Variants in TMC7 observed in about 807,000 individuals in gnomAD.
The protein encoded by TMC7 is transmembrane channel-like protein 7.
TMC7 carries 54 observed loss-of-function variants against 82.9 expected under a neutral mutation model. The observed-to-expected ratio is 0.65, with a 90% confidence interval of 0.52 to 0.82. The LOEUF (loss-of-function observed/expected upper bound fraction) is 0.82, where lower values mean the gene tolerates loss of function less well. TMC7 is among the 40% of genes least tolerant of loss of function. TMC7 has a pLI of 0.00. For missense variants in TMC7, 820 were observed against 901.2 expected, an observed-to-expected ratio of 0.91 and a Z score of 1.15; for synonymous variants, 350 against 337.9, an observed-to-expected ratio of 1.04 and a Z score of -0.39.
chr16:19,012,278 C>T (rs971719935), intron 2 of TMC7: 2 of 151,942 alleles, frequency 1.3e-5, no homozygotes, highest in East Asian at 3.8e-4. Flanking sequence ...ATTTAAAAAC[C>T]AAATAAATAA....
intron 1 of TMC7, among the ~76,000 whole-genome samples, chr16:18,986,161 C>T (rs1399324332): frequency 1.3e-5 from 2 of 151,954 alleles, no homozygotes; most frequent in African/African-American, 2.4e-5. Flanking sequence ...TTTGGGAGGC[C>T]GTGGTGGGCA....
At position 19,036,589 on chromosome 16, in the gene TMC7, G is replaced by A. The variant is rs141013642; in HGVS notation, c.1005+766G>A. On this transcript the variant is annotated intron_variant, in intron 7 of 15. Transcript: ENST00000304381. ...AAATTACTTGGGCATGGTGGCACAT[G>A]CCTGTAGTCCCAGCTACTTGGGAGT... Among the ~76,000 whole-genome samples, 13 of 151,788 alleles carry A rather than the reference G, an allele frequency of 8.6e-5. No homozygotes were observed. In the East Asian group the frequency reaches 2.3e-3, roughly 27 times the overall value.
chr16:19,010,280 G>A (rs937993854), intron 2 of TMC7, among the ~76,000 whole-genome samples: 6 of 151,640 alleles, frequency 4.0e-5, no homozygotes, highest in African/African-American at 7.3e-5. Context: ...TCAGTCTCCC[G>A]AGTAGCTGGG....
chr16:19,008,782 A>G (rs986976879), intron 1 of TMC7, among the ~76,000 whole-genome samples: 2 of 152,172 alleles, frequency 1.3e-5, no homozygotes, highest in African/African-American at 4.8e-5. Context: ...TATTGAATAC[A>G]TTACTATACC....
intron 9 of TMC7, among the ~76,000 whole-genome samples, chr16:19,043,518 T>C (rs1328605615): frequency 1.3e-5 from 2 of 152,194 alleles, no homozygotes; most frequent in Non-Finnish European, 2.9e-5. Context: ...CAGAACCTTT[T>C]CAACAGCCCC....
At chr16:19,023,257 A>C in intron 5 of TMC7, 62 bp downstream of exon 5, 1 of 1,188,890 alleles carries the variant, frequency 8.4e-7, no homozygotes, top group South Asian at 1.4e-5. Context: ...ATTGATTTAA[A>C]GATCAGTTTC....
Position 19,029,629 on chromosome 16 carries a change from C to T in TMC7, c.712-595C>T, listed in dbSNP as rs199615645. ...GGCTCAAGTAATCCTCCTGCCTCGG[C>T]CTTCCAAGGTGCTGGGATTACAGGT... On this transcript the variant is annotated intron_variant, in intron 5 of 15. Transcript: ENST00000304381. 3.3e-5 allele frequency among the ~76,000 whole-genome samples: 5 copies of T among 151,700 alleles called. No individual in the cohort carries two copies. The East Asian group carries it at 9.7e-4, about 29-fold the overall frequency.
chr16:19,041,757 G>T (rs1961026236), intron 9 of TMC7, among the ~76,000 whole-genome samples: 2 of 152,116 alleles, frequency 1.3e-5, no homozygotes, highest in South Asian at 4.1e-4. Context: ...TCCCCAGTGG[G>T]GTTGCAGATG....
chr16:19,062,440 C>T lies in TMC7; in HGVS notation c.*597C>T, dbSNP rs1346889810. 1 of 152,240 alleles carries T rather than the reference C, an allele frequency of 6.6e-6. No individual in the cohort carries two copies. Among genetic ancestry groups the T allele is most frequent in the East Asian group, 1.9e-4 (1 of 5,200 alleles). 9.4% of individuals were successfully genotyped at this position (152,240 alleles called of 1,614,324 possible). On this transcript the variant is annotated 3_prime_UTR_variant, in exon 16 of 16. Coordinates refer to ENST00000304381, the MANE Select transcript of TMC7 (RefSeq NM_024847.4). Reference sequence around the variant, plus strand: ...TTGGGGAGTTCAAGACCAGCCTGACCAACGTGGAGAAACTCCGTCTCCACT... The same window carrying T: ...TTGGGGAGTTCAAGACCAGCCTGACTAACGTGGAGAAACTCCGTCTCCACT...
At chr16:19,058,440 G>C (rs926127065) in intron 14 of TMC7, among the ~76,000 whole-genome samples, 1 of 151,892 alleles carries the variant, frequency 6.6e-6, no homozygotes, top group African/African-American at 2.4e-5. Flanking sequence ...GCAAACACTG[G>C]GTTTTATTAT....
chr16:19,002,234 CT>C (rs558887362), intron 1 of TMC7, among the ~76,000 whole-genome samples: 5,579 of 127,018 alleles, frequency 0.044, 155 homozygotes, highest in African/African-American at 0.089. Flanking sequence ...TGGAGGGCCG[CT>C]TTTTTTTTTT....
chr16:19,056,661 C>T lies in TMC7; in HGVS notation c.1991C>T (p.Ser664Phe). The T allele has an allele frequency of 6.2e-7, 1 of 1,614,130 alleles. No individual in the cohort carries two copies. The highest frequency in any genetic ancestry group is 8.5e-7 in the Non-Finnish European group (1 of 1,180,032). The change falls in exon 14 of 16, where the codon TCC (serine) becomes TTC (phenylalanine). Residue 664 changes from serine to phenylalanine, a missense_variant. Ser to Phe is a radical substitution (Grantham distance 155, BLOSUM62 -2). Transcript: ENST00000304381. ...CAGTCCTTCATCCATGGTGTCACAT[C>T]CGAAGCCTTTGCAGTTCCTTTCTTC... Reference protein sequence around the residue: ...SLQSFIHGVTSEAFAVPFFMI... With the variant: ...SLQSFIHGVTFEAFAVPFFMI...
intron 3 of TMC7, among the ~76,000 whole-genome samples, chr16:19,017,107 C>T (rs990940205): frequency 1.3e-5 from 2 of 152,084 alleles, no homozygotes; most frequent in Non-Finnish European, 2.9e-5. Context: ...ATCACTTGAA[C>T]CTGGGAGGTG....
At chr16:18,989,785 G>A (rs569289040) in intron 1 of TMC7, among the ~76,000 whole-genome samples, 10 of 151,540 alleles carry the variant, frequency 6.6e-5, no homozygotes, top group African/African-American at 2.4e-5. Context: ...GCCTGCTCAG[G>A]TGGGGTGGTC....
intron 5 of TMC7, among the ~76,000 whole-genome samples, chr16:19,028,780 C>T (rs565084996): frequency 1.2e-4 from 18 of 151,758 alleles, no homozygotes; most frequent in African/African-American, 2.7e-4. Context: ...CTTAGCCTCC[C>T]GAGTAGATGG....
intron 1 of TMC7, among the ~76,000 whole-genome samples, chr16:18,988,558 T>G (rs2038894572): frequency 6.6e-6 from 1 of 152,192 alleles, no homozygotes; most frequent in Non-Finnish European, 1.5e-5. Flanking sequence ...CCCAAAGTGC[T>G]GGGCCTACAG....
Position 19,028,347 on chromosome 16 carries a change from C to A in TMC7, c.712-1877C>A, listed in dbSNP as rs542277405. ...CCCAGGAGTTGGAGACCAGCCTGGG[C>A]AACATGGCGAGACCATATCTCTACT... On this transcript the variant is annotated intron_variant, in intron 5 of 15. Transcript: ENST00000304381. 1.3e-4 allele frequency among the ~76,000 whole-genome samples: 19 copies of A among 151,470 alleles called. 1 individual carries two copies. Among genetic ancestry groups the A allele is most frequent in the Non-Finnish European group, 2.1e-4 (14 of 67,938 alleles).
intron 14 of TMC7, among the ~76,000 whole-genome samples, chr16:19,057,598 G>A (rs1041961330): frequency 6.6e-5 from 10 of 152,238 alleles, no homozygotes; most frequent in Admixed American, 3.3e-4. Flanking sequence ...ACTCAAATTC[G>A]TAGGATCCAG....
intron 6 of TMC7, among the ~76,000 whole-genome samples, chr16:19,032,780 A>G (rs764659110): frequency 2.6e-5 from 4 of 152,130 alleles, no homozygotes; most frequent in Non-Finnish European, 5.9e-5. Flanking sequence ...GGTGCACGCC[A>G]CCACGACTGG....
Sources: allele counts gnomAD v4.1 joint callset (sites outside exome capture counted in the v4.1 genomes callset), GRCh38; gene constraint gnomAD v4.1.1; transcripts MANE v1.5; gene names NCBI Gene and HGNC (gene_info 2026-07-23, HGNC 2026-07-21).